The following HACD2 variants were observed in gnomAD, a reference collection of about 807,000 sequenced individuals.
HACD2 encodes the protein very-long-chain (3R)-3-hydroxyacyl-CoA dehydratase 2.
A neutral mutation model predicts 31.0 loss-of-function variants in HACD2; 15 were observed. The ratio of observed to expected loss-of-function variants is 0.48; its 90% CI spans 0.32 to 0.75. The LOEUF is 0.75. Among genes scored for constraint, HACD2 ranks in the 30% least tolerant of loss-of-function variants. The pLI is 0.03. For synonymous variants in HACD2, 115 were observed against 122.2 expected (o/e 0.94, Z 0.39); for missense variants, 283 against 313.0 (o/e 0.90, Z 0.72).
chr3:123,528,336 G>A (rs1406441429), intron 4 of HACD2, 50 bp downstream of exon 4: 2 of 1,092,104 alleles, frequency 1.8e-6, no homozygotes, highest in Admixed American at 3.4e-5. Flanking sequence ...CAGAAAAGTT[G>A]ACTAGTGTTT....
chr3:123,532,586 T>C (rs2107711200), intron 3 of HACD2, among the ~76,000 whole-genome samples: 1 of 152,128 alleles, frequency 6.6e-6, no homozygotes, highest in South Asian at 2.1e-4. Flanking sequence ...ATCCCAGCAC[T>C]TTGGGAGGCT....
At chr3:123,558,493 G>A (rs1446619738) in intron 3 of HACD2, among the ~76,000 whole-genome samples, 1 of 152,134 alleles carries the variant, frequency 6.6e-6, no homozygotes, top group Non-Finnish European at 1.5e-5. Context: ...GGGAGACTAT[G>A]CATGCGTGGA....
intron 6 of HACD2, chr3:123,499,595 G>A (rs1312505340): frequency 1.8e-5 from 8 of 455,634 alleles, no homozygotes; most frequent in Admixed American, 4.7e-5. Context: ...GATTCATTCC[G>A]ATGATGCCAT....
intron 3 of HACD2, among the ~76,000 whole-genome samples, chr3:123,557,383 C>T (rs373649528): frequency 8.5e-5 from 13 of 152,270 alleles, no homozygotes; most frequent in African/African-American, 2.2e-4. Flanking sequence ...GGTTGTGGAC[C>T]GCTGCCTTAA....
intron 4 of HACD2, among the ~76,000 whole-genome samples, chr3:123,514,957 A>G (rs1185761361): frequency 6.6e-6 from 1 of 152,218 alleles, no homozygotes; most frequent in East Asian, 1.9e-4. Flanking sequence ...TCTGTTAGAA[A>G]CCTCAGGACA....
intron 4 of HACD2, among the ~76,000 whole-genome samples, chr3:123,525,338 C>A (rs1314678524): frequency 6.6e-6 from 1 of 152,126 alleles, no homozygotes. Context: ...CAAATTTTTT[C>A]ATTAATATCC....
At chr3:123,529,241 C>A (rs143824472) in intron 3 of HACD2, among the ~76,000 whole-genome samples, 1 of 152,148 alleles carries the variant, frequency 6.6e-6, no homozygotes, top group Non-Finnish European at 1.5e-5. Context: ...GCTGGGACTA[C>A]AGGCATGTGC....
Position 123,494,782 on chromosome 3 carries a change from A to G in HACD2, c.*106T>C. On this transcript the variant is annotated 3_prime_UTR_variant, in exon 7 of 7. Transcript: ENST00000383657. ...TTAGTTTTGTTTGAATATTTTAAAA[A>G]TAGTTCTTACTTATTTTCTATGAAA... The G allele has an allele frequency of 1.3e-6, 1 of 754,612 alleles. No individual in the cohort carries two copies. Among genetic ancestry groups the G allele is most frequent in the South Asian group, 1.6e-5 (1 of 61,018 alleles). The allele number at this position is 754,612 out of a possible 1,614,324, so 46.7% of individuals were successfully genotyped here. A position where few individuals can be genotyped will look rare whatever the true frequency, so the allele number is the denominator to read the frequency against.
intron 6 of HACD2, among the ~76,000 whole-genome samples, chr3:123,499,068 A>G (rs1379826718): frequency 1.3e-5 from 2 of 152,172 alleles, no homozygotes; most frequent in Admixed American, 1.3e-4. Flanking sequence ...GCAGCTTGTT[A>G]TGGATCTGAT....
intron 2 of HACD2, among the ~76,000 whole-genome samples, chr3:123,580,665 C>A (rs973448321): frequency 6.6e-6 from 1 of 151,406 alleles, no homozygotes; most frequent in Non-Finnish European, 1.5e-5. Context: ...AGCCTGTGGG[C>A]CCAGCTACTC....
chr3:123,582,671 C>T lies in HACD2; in HGVS notation c.156-342G>A, dbSNP rs375071734. ...AATCAGGTGCCAAGAAAATCTAAGA[C>T]GAGAAAAAAACAGTTAAAGGAAAAT... is the stretch of plus-strand genomic sequence containing the variant. On this transcript the variant is annotated intron_variant, in intron 1 of 6. Coordinates refer to ENST00000383657, the MANE Select transcript of HACD2 (RefSeq NM_198402.5). Among the ~76,000 whole-genome samples, 91 of 151,570 alleles carry T rather than the reference C, an allele frequency of 6.0e-4. No homozygotes were observed. The South Asian group carries it at 7.5e-3, about 12-fold the overall frequency.
chr3:123,493,318 T>C lies in HACD2; in HGVS notation c.*1570A>G, dbSNP rs965258682. The C allele has an allele frequency of 6.6e-6, 1 of 152,200 alleles. No individual in the cohort carries two copies. The highest frequency in any genetic ancestry group is 1.5e-5 in the Non-Finnish European group (1 of 68,040). 9.4% of individuals were successfully genotyped at this position (152,200 alleles called of 1,614,324 possible). A position where few individuals can be genotyped will look rare whatever the true frequency, so the allele number is the denominator to read the frequency against. On this transcript the variant is annotated 3_prime_UTR_variant, in exon 7 of 7. Coordinates refer to ENST00000383657, the MANE Select transcript of HACD2 (RefSeq NM_198402.5). ...TTGCAGTGAGCTGAGATCGCGCCAC[T>C]GCACTCCAGCCTGGGCAACAGAGCG... is the stretch of plus-strand genomic sequence containing the variant.
intron 3 of HACD2, among the ~76,000 whole-genome samples, chr3:123,561,647 T>C (rs1376719997): frequency 3.3e-5 from 5 of 152,102 alleles, no homozygotes; most frequent in African/African-American, 1.2e-4. Flanking sequence ...CTGAGAACCA[T>C]AGCCCCCATG....
At chr3:123,537,691 T>C (rs2056443654) in intron 3 of HACD2, among the ~76,000 whole-genome samples, 1 of 152,156 alleles carries the variant, frequency 6.6e-6, no homozygotes, top group African/African-American at 2.4e-5. Context: ...GTATAAGCTA[T>C]GTCTGTCTGC....
chr3:123,527,084 T>C (rs1474874688), intron 4 of HACD2, among the ~76,000 whole-genome samples: 1 of 152,252 alleles, frequency 6.6e-6, no homozygotes, highest in Non-Finnish European at 1.5e-5. Flanking sequence ...ACCTAGCACT[T>C]AATTACTGAA....
chr3:123,576,246 GTTC>G (rs1321575722), intron 2 of HACD2, among the ~76,000 whole-genome samples: 1 of 121,686 alleles, frequency 8.2e-6, no homozygotes. Context: ...GATATTTTTA[GTTC>G]TTTTTTTTTT....
intron 3 of HACD2, among the ~76,000 whole-genome samples, chr3:123,541,440 T>A (rs1188753112): frequency 1.3e-5 from 2 of 152,208 alleles, no homozygotes; most frequent in Non-Finnish European, 2.9e-5. Flanking sequence ...ATGTTCCTTC[T>A]TCAGAGTTCT....
chr3:123,507,705 A>G lies in HACD2; in HGVS notation c.382-5024T>C, dbSNP rs188198461. ...TCTCATGCACCCCATAAATACAGAT[A>G]CCTACTATGTACCCACAAAAATTTT... is the stretch of plus-strand genomic sequence containing the variant. On this transcript the variant is annotated intron_variant, in intron 4 of 6. Transcript: ENST00000383657. Among the ~76,000 whole-genome samples, 332 of 152,280 alleles carry G rather than the reference A, an allele frequency of 2.2e-3. 1 individual carries two copies. The highest frequency in any genetic ancestry group is 6.8e-3 in the Middle Eastern group (2 of 294).
chr3:123,575,589 T>C (rs2056899778), intron 2 of HACD2, among the ~76,000 whole-genome samples: 1 of 152,232 alleles, frequency 6.6e-6, no homozygotes, highest in African/African-American at 2.4e-5. Flanking sequence ...AGTTACTCTT[T>C]GATAACAGCT....
Sources: gnomAD v4.1 joint callset for allele counts (sites outside exome capture counted in the v4.1 genomes callset) on GRCh38, gnomAD v4.1.1 for gene constraint, MANE v1.5 for transcripts, NCBI Gene and HGNC (gene_info 2026-07-23, HGNC 2026-07-21) for gene names.